The following COMMD1 variants were observed in gnomAD, a reference collection of about 807,000 sequenced individuals.
COMMD1 encodes the protein COMM domain-containing protein 1.
In COMMD1, 10 loss-of-function variants were observed where a neutral mutation model predicts 17.2. The ratio of observed to expected loss-of-function variants is 0.58; its 90% CI spans 0.36 to 0.99. The LOEUF is 0.99. Among genes scored for constraint, COMMD1 ranks in the 50% least tolerant of loss-of-function variants. The pLI, the probability that COMMD1 is intolerant of heterozygous loss-of-function variation, is 0.01. For synonymous variants in COMMD1, 97 were observed against 91.6 expected, an observed-to-expected ratio of 1.06 and a Z score of -0.34; for missense variants, 270 against 231.8, an observed-to-expected ratio of 1.17 and a Z score of -1.07.
chr2:61,888,645 G>A, upstream of COMMD1: 1 of 1,051,766 alleles, frequency 9.5e-7, no homozygotes, highest in Non-Finnish European at 1.3e-6. Context: ...GGAGGAGGCG[G>A]AGGCGGAGAA....
chr2:62,056,101 T>C (rs781353877), intron 2 of COMMD1, among the ~76,000 whole-genome samples: 5 of 152,210 alleles, frequency 3.3e-5, no homozygotes, highest in Non-Finnish European at 5.9e-5. Context: ...GTGGCTGCCA[T>C]GACTGGACAG....
intron 1 of COMMD1, among the ~76,000 whole-genome samples, chr2:61,984,410 T>A (rs1380636683): frequency 6.6e-6 from 1 of 152,252 alleles, no homozygotes; most frequent in Non-Finnish European, 1.5e-5. Flanking sequence ...GTCATTACAG[T>A]ACCGTATTGG....
intron 1 of COMMD1, among the ~76,000 whole-genome samples, chr2:61,895,737 A>G (rs545206758): frequency 2.0e-5 from 3 of 152,296 alleles, no homozygotes; most frequent in East Asian, 3.9e-4. Flanking sequence ...CGTTAGGGCC[A>G]GTACTGCCTG....
intron 1 of COMMD1, among the ~76,000 whole-genome samples, chr2:61,896,831 T>TTTTTG (rs1669559419): frequency 6.6e-6 from 1 of 150,890 alleles, no homozygotes; most frequent in Non-Finnish European, 1.5e-5. Context: ...TTTTTTTTTT[T>TTTTTG]TTTTGTTTTT....
intron 1 of COMMD1, among the ~76,000 whole-genome samples, chr2:61,944,342 C>T (rs1670848622): frequency 6.6e-6 from 1 of 152,082 alleles, no homozygotes; most frequent in Middle Eastern, 3.4e-3. Context: ...GTCCCAACTA[C>T]TCTGGAGGCT....
At chr2:62,015,572 T>C (rs913024257) in intron 2 of COMMD1, among the ~76,000 whole-genome samples, 3 of 152,186 alleles carry the variant, frequency 2.0e-5, no homozygotes, top group African/African-American at 7.2e-5. Flanking sequence ...GGTAATTCTA[T>C]GTTTTAACTT....
rs181980701 is a variant in COMMD1, at chr2:61,938,267, C to A, written c.180+32409C>A. Among the ~76,000 whole-genome samples, 42 of 144,516 alleles carry A rather than the reference C, an allele frequency of 2.9e-4. No homozygotes were observed. In the East Asian group the frequency reaches 7.8e-3, roughly 27 times the overall value. The allele number at this position is 144,516 out of a possible 152,430, so 94.8% of individuals were successfully genotyped here. ...ACGGAGGAGCAGCTTCCTGGGCATG[C>A]GTATTAAGAGACCAAAAAAAAAAAA... On this transcript the variant is annotated intron_variant, in intron 1 of 2. Coordinates refer to ENST00000311832, the MANE Select transcript of COMMD1 (RefSeq NM_152516.4).
chr2:61,963,817 C>A (rs954925489), intron 1 of COMMD1, among the ~76,000 whole-genome samples: 2 of 152,298 alleles, frequency 1.3e-5, no homozygotes, highest in African/African-American at 4.8e-5. Flanking sequence ...GAGGCCTGGG[C>A]ACCGTGCCGT....
intron 2 of COMMD1, among the ~76,000 whole-genome samples, chr2:62,001,955 G>A (rs1668956620): frequency 6.6e-6 from 1 of 151,940 alleles, no homozygotes; most frequent in African/African-American, 2.4e-5. Context: ...ATCACCTGAG[G>A]TCAGGAGTTC....
At chr2:61,919,952 C>T (rs190884712) in intron 1 of COMMD1, among the ~76,000 whole-genome samples, 45 of 152,012 alleles carry the variant, frequency 3.0e-4, no homozygotes, top group African/African-American at 1.1e-3. Flanking sequence ...CATAGGGAGC[C>T]CCTGTCTCTA....
At chr2:61,942,053 C>G (rs72821348) in intron 1 of COMMD1, among the ~76,000 whole-genome samples, 15,509 of 152,128 alleles carry the variant, frequency 0.1, 1,218 homozygotes, top group Admixed American at 0.24. Flanking sequence ...CTTAAATAGT[C>G]TCTTAACTAG....
chr2:62,058,625 G>A (rs1354932323), intron 2 of COMMD1, among the ~76,000 whole-genome samples: 1 of 152,030 alleles, frequency 6.6e-6, no homozygotes, highest in East Asian at 1.9e-4. Context: ...TGTGGTCCCA[G>A]CTACTTGAGA....
intron 2 of COMMD1, among the ~76,000 whole-genome samples, chr2:62,055,273 A>G (rs553475007): frequency 6.6e-4 from 101 of 152,292 alleles, no homozygotes; most frequent in African/African-American, 2.3e-3. Flanking sequence ...TCTCACTGAC[A>G]GTTTTGTTAG....
At chr2:61,910,020 A>G (rs573391774) in intron 1 of COMMD1, among the ~76,000 whole-genome samples, 1 of 152,276 alleles carries the variant, frequency 6.6e-6, no homozygotes. Context: ...TGACTGGGAC[A>G]TTGACCCTCT....
At chr2:62,015,629 C>T (rs777994529) in intron 2 of COMMD1, among the ~76,000 whole-genome samples, 5 of 149,792 alleles carry the variant, frequency 3.3e-5, no homozygotes, top group East Asian at 1.9e-4. Flanking sequence ...CTCAATTTTA[C>T]GGTTTTTTGC....
intron 1 of COMMD1, among the ~76,000 whole-genome samples, chr2:61,924,350 G>A (rs1311333136): frequency 6.6e-6 from 1 of 150,978 alleles, no homozygotes; most frequent in African/African-American, 2.4e-5. Context: ...CGAGTAAGGG[G>A]TGGTGGTAGG....
At chr2:62,094,299 A>G (rs1021014435) in intron 2 of COMMD1, among the ~76,000 whole-genome samples, 2 of 152,160 alleles carry the variant, frequency 1.3e-5, no homozygotes, top group African/African-American at 4.8e-5. Context: ...GAGAGCTTAG[A>G]AGAGATTTCA....
intron 2 of COMMD1, among the ~76,000 whole-genome samples, chr2:62,083,350 A>G (rs1430861823): frequency 2.0e-5 from 3 of 152,188 alleles, no homozygotes; most frequent in African/African-American, 4.8e-5. Flanking sequence ...CAACTTTGCC[A>G]TTGTAGCCTG....
intron 1 of COMMD1, among the ~76,000 whole-genome samples, chr2:61,965,601 A>C (rs750024056): frequency 9.9e-5 from 15 of 152,230 alleles, no homozygotes; most frequent in Non-Finnish European, 1.9e-4. Flanking sequence ...GAAATCTTGT[A>C]CATGACCCAG....
Sources: gnomAD v4.1 joint callset for allele counts (sites outside exome capture counted in the v4.1 genomes callset) on GRCh38, gnomAD v4.1.1 for gene constraint, MANE v1.5 for transcripts, NCBI Gene and HGNC (gene_info 2026-07-23, HGNC 2026-07-21) for gene names.